DCAF7: variants seen among roughly 807,000 people sequenced by gnomAD.
DCAF7 encodes DDB1 and CUL4 associated factor 7, also known as DDB1- and CUL4-associated factor 7.
A neutral mutation model predicts 41.2 loss-of-function variants in DCAF7; 4 were observed. The observed-to-expected ratio is 0.10, with a 90% CI of 0.05 to 0.22. DCAF7 has a LOEUF of 0.22. Ranked by LOEUF, DCAF7 falls within the 10% of genes least tolerant of loss-of-function variation. The probability of loss-of-function intolerance (pLI) is 1.00; values close to 1 mark genes in which losing one functional copy is unlikely to be tolerated. For synonymous variants in DCAF7, 143 were observed against 164.2 expected, an observed-to-expected ratio of 0.87 and a Z score of 0.99; for missense variants, 131 against 443.2, an observed-to-expected ratio of 0.30 and a Z score of 6.32.
intron 1 of DCAF7, among the ~76,000 whole-genome samples, chr17:63,562,262 C>G (rs954141055): frequency 6.6e-6 from 1 of 152,008 alleles, no homozygotes; most frequent in African/African-American, 2.4e-5. Context: ...ATTTAGAACC[C>G]CTAATTCACA....
chr17:63,550,836 G>A lies in DCAF7; in HGVS notation c.138+21G>A. 6.2e-7 allele frequency: 1 copy of A among 1,609,546 alleles called. No individual in the cohort carries two copies. Among genetic ancestry groups the A allele is most frequent in the Non-Finnish European group, 8.5e-7 (1 of 1,177,668 alleles). The stretch of plus-strand genomic sequence containing the variant: ...ACAAGGTGGGCCGGGCAGGGGCTCG[G>A]AACCCAGCTGGCGGGGAGCGGGCCC... On this transcript the variant is annotated intron_variant, in intron 1 of 6. Coordinates refer to ENST00000614556, the MANE Select transcript of DCAF7 (RefSeq NM_005828.5). The surrounding 1 kb of genome is among the most constrained non-coding windows in gnomAD (Gnocchi z 4.8).
Position 63,592,940 on chromosome 17 carries a change from C to T in DCAF7, c.*3768C>T, listed in dbSNP as rs1266413866. On this transcript the variant is annotated 3_prime_UTR_variant, in exon 7 of 7. Transcript: ENST00000614556. The stretch of plus-strand genomic sequence containing the variant: ...CTTTTCTCTTCCCCTTGCTTTTCCA[C>T]TGTTTCTTCCTGCTGCCACCTGGGC... 6.5e-6 allele frequency: 1 copy of T among 152,938 alleles called. No homozygotes were observed. Among genetic ancestry groups the T allele is most frequent in the Admixed American group, 6.5e-5 (1 of 15,282 alleles). 9.5% of individuals were successfully genotyped at this position (152,938 alleles called of 1,614,324 possible). A position where few individuals can be genotyped will look rare whatever the true frequency, so the allele number is the denominator to read the frequency against.
chr17:63,587,868 C>A (rs575755088), intron 6 of DCAF7, among the ~76,000 whole-genome samples: 74 of 151,388 alleles, frequency 4.9e-4, no homozygotes, highest in African/African-American at 1.7e-3. Flanking sequence ...TGCCTGTAAT[C>A]CCAGCATTTT....
intron 1 of DCAF7, among the ~76,000 whole-genome samples, chr17:63,571,550 T>C (rs1175594958): frequency 6.6e-6 from 1 of 152,160 alleles, no homozygotes; most frequent in Non-Finnish European, 1.5e-5. Flanking sequence ...CAGTATTTTT[T>C]ATAAAGAAGA....
intron 1 of DCAF7, among the ~76,000 whole-genome samples, chr17:63,559,362 T>TATATGTAC (rs1568097709): frequency 4.2e-5 from 5 of 120,350 alleles, no homozygotes; most frequent in African/African-American, 1.9e-4. Context: ...TATATATGTA[T>TATATGTAC]GTATATATAT....
At chr17:63,556,509 C>G (rs995150291) in intron 1 of DCAF7, among the ~76,000 whole-genome samples, 1 of 149,250 alleles carries the variant, frequency 6.7e-6, no homozygotes, top group Admixed American at 6.6e-5. Flanking sequence ...GCAGAAGTTG[C>G]AGTGAACGGA....
chr17:63,586,988 T>C (rs1293650946), intron 6 of DCAF7, among the ~76,000 whole-genome samples: 2 of 152,212 alleles, frequency 1.3e-5, no homozygotes, highest in Non-Finnish European at 2.9e-5. Context: ...CTTTCAGGGA[T>C]GTACATCTAT....
chr17:63,586,669 G>A (rs1210184274), intron 6 of DCAF7, among the ~76,000 whole-genome samples: 1 of 151,858 alleles, frequency 6.6e-6, no homozygotes, highest in Non-Finnish European at 1.5e-5. Context: ...GGCTGAGGCA[G>A]GAGAATCGCT....
At chr17:63,557,044 A>G (rs981107131) in intron 1 of DCAF7, among the ~76,000 whole-genome samples, 4 of 152,290 alleles carry the variant, frequency 2.6e-5, no homozygotes, top group Middle Eastern at 3.4e-3. Context: ...CAAAAAAACA[A>G]AACAAATGGA....
At chr17:63,567,670 T>TC (rs936507499) in intron 1 of DCAF7, among the ~76,000 whole-genome samples, 3 of 152,166 alleles carry the variant, frequency 2.0e-5, no homozygotes, top group East Asian at 1.9e-4. Context: ...TTCTTTTTTT[T>TC]CCCCCCTAAG....
intron 1 of DCAF7, among the ~76,000 whole-genome samples, chr17:63,575,933 C>G (rs1439597105): frequency 6.6e-6 from 1 of 152,216 alleles, no homozygotes; most frequent in East Asian, 1.9e-4. Context: ...GGAGAACTCA[C>G]TGTCTGATTT....
intron 4 of DCAF7, 55 bp downstream of exon 4, chr17:63,579,998 A>C: frequency 7.4e-7 from 1 of 1,351,784 alleles, no homozygotes; most frequent in Non-Finnish European, 1.0e-6. Flanking sequence ...CCTTCCGCAC[A>C]GGAAGAGGTC....
chr17:63,575,104 G>T (rs2033547476), intron 1 of DCAF7, among the ~76,000 whole-genome samples: 1 of 152,012 alleles, frequency 6.6e-6, no homozygotes, highest in Admixed American at 6.6e-5. Flanking sequence ...ATCACTTGAG[G>T]TCAGGAGTTT....
At chr17:63,585,494 T>G (rs2033667104) in intron 6 of DCAF7, among the ~76,000 whole-genome samples, 166 bp downstream of exon 6, 1 of 152,194 alleles carries the variant, frequency 6.6e-6, no homozygotes, top group Non-Finnish European at 1.5e-5. Flanking sequence ...CAGTACAAAT[T>G]TTTAGACGAT....
chr17:63,583,425 G>A, intron 4 of DCAF7, 77 bp from the exon 5 acceptor site: 1 of 1,295,776 alleles, frequency 7.7e-7, no homozygotes, highest in Non-Finnish European at 1.1e-6. Flanking sequence ...AGATGAACTG[G>A]ACGTGGCAGA....
intron 1 of DCAF7, among the ~76,000 whole-genome samples, chr17:63,558,333 G>C (rs1212113543): frequency 1.3e-5 from 2 of 152,208 alleles, no homozygotes; most frequent in Non-Finnish European, 2.9e-5. Context: ...CAATGTCTAG[G>C]AATGTACAAA....
intron 6 of DCAF7, among the ~76,000 whole-genome samples, chr17:63,586,314 G>A (rs1473221201): frequency 2.0e-5 from 3 of 151,826 alleles, no homozygotes; most frequent in South Asian, 4.2e-4. Context: ...AGACTATCTG[G>A]GTGTGGTGGT....
intron 1 of DCAF7, among the ~76,000 whole-genome samples, chr17:63,563,756 A>G (rs1011672395): frequency 6.6e-6 from 1 of 152,128 alleles, no homozygotes; most frequent in Non-Finnish European, 1.5e-5. Flanking sequence ...TGGAGGTTGC[A>G]GTGAGCTGAG....
chr17:63,556,395 C>A (rs1046518473), intron 1 of DCAF7, among the ~76,000 whole-genome samples: 1 of 151,906 alleles, frequency 6.6e-6, no homozygotes, highest in Non-Finnish European at 1.5e-5. Flanking sequence ...CATGGAGAAA[C>A]CCTGTCTCTA....
Sources: allele counts gnomAD v4.1 joint callset (sites outside exome capture counted in the v4.1 genomes callset), GRCh38; gene constraint gnomAD v4.1.1; non-coding constraint Gnocchi (gnomAD v3.1); transcripts MANE v1.5; gene names NCBI Gene and HGNC (gene_info 2026-07-23, HGNC 2026-07-21).